Variants in DGKI observed in about 807,000 individuals in gnomAD.
DGKI encodes the protein DAG kinase iota.
A neutral mutation model predicts 147.5 loss-of-function variants in DGKI; 55 were observed. That is an observed-to-expected ratio of 0.37 (90% CI 0.30 to 0.47). The LOEUF (loss-of-function observed/expected upper bound fraction) is 0.47, where lower values mean the gene tolerates loss of function less well. Among genes scored for constraint, DGKI ranks in the 20% least tolerant of loss-of-function variants. DGKI has a pLI of 1.00. For synonymous variants in DGKI, 469 were observed against 477.1 expected, an observed-to-expected ratio of 0.98 and a Z score of 0.22; for missense variants, 1,007 against 1,323.8, an observed-to-expected ratio of 0.76 and a Z score of 3.71.
At chr7:137,462,622 T>C (rs1814489630) in intron 27 of DGKI, among the ~76,000 whole-genome samples, 1 of 152,202 alleles carries the variant, frequency 6.6e-6, no homozygotes, top group African/African-American at 2.4e-5. Context: ...AACCCTAGGA[T>C]TCGAAGAATC....
At chr7:137,452,673 T>A (rs1328437225) in intron 27 of DGKI, 1 of 152,228 alleles carries the variant, frequency 6.6e-6, no homozygotes, top group Non-Finnish European at 1.5e-5. Context: ...CAGGTGATGA[T>A]CCATCCTACT....
chr7:137,805,533 T>G (rs1797340439), intron 1 of DGKI, among the ~76,000 whole-genome samples: 1 of 152,190 alleles, frequency 6.6e-6, no homozygotes, highest in Non-Finnish European at 1.5e-5. Flanking sequence ...ACATAGTCAT[T>G]GTGATTATCT....
chr7:137,623,332 G>GT, intron 7 of DGKI, 151 bp downstream of exon 7: 1 of 688,400 alleles, frequency 1.5e-6, no homozygotes, highest in South Asian at 1.7e-5. Flanking sequence ...TATAGTTTCA[G>GT]TCTGTCTTTC....
intron 2 of DGKI, among the ~76,000 whole-genome samples, chr7:137,686,241 T>C (rs1236089900): frequency 6.6e-6 from 1 of 152,168 alleles, no homozygotes. Flanking sequence ...ATCAGTTTGA[T>C]TGAAAAGATG....
chr7:137,472,320 T>TATTATGTATATACATATAA (rs57953468), intron 23 of DGKI, among the ~76,000 whole-genome samples: 2 of 12,302 alleles, frequency 1.6e-4, no homozygotes, highest in African/African-American at 3.5e-4. Context: ...ATACATATAA[T>TATTATGTATATACATATAA]TATTATATGT....
chr7:137,632,911 C>CA (rs200401330), intron 6 of DGKI, among the ~76,000 whole-genome samples: 6 of 149,662 alleles, frequency 4.0e-5, no homozygotes, highest in East Asian at 2.0e-4. Flanking sequence ...CCCAGTTAAA[C>CA]AAAAAAAAAG....
At chr7:137,481,424 C>A (rs1815367121) in intron 23 of DGKI, among the ~76,000 whole-genome samples, 1 of 152,112 alleles carries the variant, frequency 6.6e-6, no homozygotes, top group Non-Finnish European at 1.5e-5. Context: ...GTTCATTTGG[C>A]AACCTCAAGA....
chr7:137,648,189 G>A (rs1821896806), intron 5 of DGKI, among the ~76,000 whole-genome samples: 1 of 152,136 alleles, frequency 6.6e-6, no homozygotes, highest in South Asian at 2.1e-4. Context: ...AGAAGCCGAG[G>A]GAAAAGGAAC....
At chr7:137,662,400 C>T (rs535242153) in intron 3 of DGKI, among the ~76,000 whole-genome samples, 3 of 152,168 alleles carry the variant, frequency 2.0e-5, no homozygotes, top group South Asian at 4.2e-4. Flanking sequence ...CCCGCCACCA[C>T]GCCCGGCTAA....
At chr7:137,450,586 G>A (rs1813913738) in intron 27 of DGKI, among the ~76,000 whole-genome samples, 1 of 152,072 alleles carries the variant, frequency 6.6e-6, no homozygotes, top group Admixed American at 6.6e-5. Context: ...GCCAAGCGTG[G>A]TGGCACGCGC....
intron 23 of DGKI, among the ~76,000 whole-genome samples, chr7:137,472,262 A>G (rs1194004686): frequency 8.7e-6 from 1 of 114,652 alleles, no homozygotes; most frequent in South Asian, 2.5e-4. Flanking sequence ...ATAATATTAT[A>G]TGTATATATA....
chr7:137,521,337 T>C (rs541622089), intron 21 of DGKI, among the ~76,000 whole-genome samples: 1 of 152,066 alleles, frequency 6.6e-6, no homozygotes, highest in African/African-American at 2.4e-5. Flanking sequence ...TCGACTCAAG[T>C]GCAGGTTTCA....
At position 137,384,217 on chromosome 7, in the gene DGKI, C is replaced by T. The variant is rs2351136; in HGVS notation, c.*7003G>A. On this transcript the variant is annotated 3_prime_UTR_variant, in exon 33 of 33. Transcript: ENST00000614521. Reference sequence around the variant, plus strand: ...GAGAATCACAAATAAGTTAAAGAAGCCATTAACGCTCACTGTTAATTTCTT... The same window carrying T: ...GAGAATCACAAATAAGTTAAAGAAGTCATTAACGCTCACTGTTAATTTCTT... 0.22 allele frequency: 33,950 copies of T among 151,810 alleles called. 4,464 individuals carry two copies. Among genetic ancestry groups the T allele is most frequent in the African/African-American group, 0.36 (14,917 of 41,420 alleles). 9.4% of individuals were successfully genotyped at this position (151,810 alleles called of 1,614,324 possible).
At position 137,505,315 on chromosome 7, in the gene DGKI, T is replaced by C. The variant is rs908656397; in HGVS notation, c.2248+16551A>G. ...ACTCTCCTACCTCTTGGAGAGAACG[T>C]GCATTGAGAAGCTCAACCTTTGTCT... On this transcript the variant is annotated intron_variant, in intron 21 of 32. Transcript: ENST00000614521. Among the ~76,000 whole-genome samples the C allele has an allele frequency of 2.0e-5, 3 of 152,136 alleles. No individual in the cohort carries two copies. In the East Asian group the frequency reaches 5.8e-4, roughly 29 times the overall value.
rs141075867 is a variant in DGKI, at chr7:137,668,491, G to C, written c.606+10066C>G. On this transcript the variant is annotated intron_variant, in intron 3 of 32. Transcript: ENST00000614521. Reference sequence around the variant, plus strand: ...GTGACAGGTGTCTGTGTGTGTATGTGTCTCTCTCTCAACAAGCACCTCATT... The same window carrying C: ...GTGACAGGTGTCTGTGTGTGTATGTCTCTCTCTCTCAACAAGCACCTCATT... Among the ~76,000 whole-genome samples, 155 of 152,276 alleles carry C rather than the reference G, an allele frequency of 1.0e-3. 1 individual carries two copies. The highest frequency in any genetic ancestry group is 3.6e-3 in the African/African-American group (150 of 41,556).
chr7:137,529,823 C>A (rs548872280), intron 20 of DGKI, among the ~76,000 whole-genome samples: 1 of 152,288 alleles, frequency 6.6e-6, no homozygotes, highest in South Asian at 2.1e-4. Context: ...GATCTCGGCT[C>A]TCTGCAACCT....
intron 22 of DGKI, among the ~76,000 whole-genome samples, chr7:137,486,012 A>G (rs1052426661): frequency 1.3e-5 from 2 of 152,132 alleles, no homozygotes; most frequent in Non-Finnish European, 2.9e-5. Context: ...CTCCTTTCAT[A>G]AAGTTTTATA....
In DGKI at chr7:137,587,121, C is replaced by T. The variant is rs1015666384; in HGVS notation, c.1401G>A (p.Leu467=). The change falls in exon 13 of 33, where the codon CTG becomes CTA. Residue 467 remains leucine (L), a synonymous_variant. Coordinates refer to ENST00000614521, the MANE Select transcript of DGKI (RefSeq NM_001321708.2). ...GVLPLGTGND[L]ARTLNWGGGY... is the part of the protein sequence containing the mutation. ...CCCCTCCCCAGTTGAGAGTTCGAGCCAGGTCATTCCCAGTCCCCAGAGGAA... is the reference window on the plus strand; with the variant it reads ...CCCCTCCCCAGTTGAGAGTTCGAGCTAGGTCATTCCCAGTCCCCAGAGGAA... 5.6e-6 allele frequency: 9 copies of T among 1,610,790 alleles called. No individual in the cohort carries two copies. The African/African-American group carries it at 6.7e-5, about 12-fold the overall frequency.
In DGKI at chr7:137,387,887, A is replaced by C. The variant is rs1811225524; in HGVS notation, c.*3333T>G. Reference sequence around the variant, plus strand: ...AATATTATAAGGGGTCTAGTAAATAAATAAATTTCAGAAATTCGTTAGGCA... The same window carrying C: ...AATATTATAAGGGGTCTAGTAAATACATAAATTTCAGAAATTCGTTAGGCA... On this transcript the variant is annotated 3_prime_UTR_variant, in exon 33 of 33. Coordinates refer to ENST00000614521, the MANE Select transcript of DGKI (RefSeq NM_001321708.2). The C allele has an allele frequency of 6.6e-6, 1 of 152,190 alleles. No homozygotes were observed. The highest frequency in any genetic ancestry group is 2.1e-4 in the South Asian group (1 of 4,826). 9.4% of individuals were successfully genotyped at this position (152,190 alleles called of 1,614,324 possible). A position where few individuals can be genotyped will look rare whatever the true frequency, so the allele number is the denominator to read the frequency against.
Sources: allele counts gnomAD v4.1 joint callset (sites outside exome capture counted in the v4.1 genomes callset), GRCh38; gene constraint gnomAD v4.1.1; transcripts MANE v1.5; gene names NCBI Gene and HGNC (gene_info 2026-07-23, HGNC 2026-07-21).